TSHZ2: variants seen among roughly 807,000 people sequenced by gnomAD.
TSHZ2 encodes teashirt homolog 2.
Under a neutral mutation model 74.4 loss-of-function variants are expected in TSHZ2, and 21 were observed. That is an observed-to-expected ratio of 0.28 (90% confidence interval 0.20 to 0.41). The LOEUF is 0.41. TSHZ2 is among the 10% of genes least tolerant of loss of function. The pLI, the probability that TSHZ2 is intolerant of heterozygous loss-of-function variation, is 1.00. For missense variants in TSHZ2, 1,244 were observed against 1,293.5 expected (o/e 0.96, Z 0.59); for synonymous variants, 540 against 515.3 (o/e 1.05, Z -0.65).
At chr20:53,417,638 G>A (rs1182519555) in intron 2 of TSHZ2, among the ~76,000 whole-genome samples, 2 of 152,066 alleles carry the variant, frequency 1.3e-5, no homozygotes, top group Non-Finnish European at 2.9e-5. Context: ...ATAGGAATTT[G>A]CACAGCCTCC....
chr20:53,255,597 G>A lies in TSHZ2; in HGVS notation c.2139G>A (p.Leu713=), dbSNP rs1990452169. ...ACTTGGGCAAAGCCACGGAGCCCTT[G>A]CGCTCACCTTCCTGCTCCAGCCCAA... The part of the protein sequence containing the change: ...NNHLGKATEP[L]RSPSCSSPSS... The change falls in exon 2 of 3, where the codon TTG becomes TTA. Residue 713 remains leucine (L), a synonymous_variant. Transcript: ENST00000371497. This position sits in a 1 kb window ranked among gnomAD's most constrained non-coding sequence, Gnocchi z 4.1. The A allele has an allele frequency of 1.9e-6, 3 of 1,584,620 alleles. No individual in the cohort carries two copies. The highest frequency in any genetic ancestry group is 2.6e-6 in the Non-Finnish European group (3 of 1,165,694).
chr20:53,204,317 GA>G (rs1989101797), intron 1 of TSHZ2, among the ~76,000 whole-genome samples: 1 of 124,876 alleles, frequency 8.0e-6, no homozygotes, highest in Admixed American at 7.7e-5. Context: ...CATATAACAT[GA>G]TGATATGATA....
At chr20:53,365,375 C>A (rs539905387) in intron 2 of TSHZ2, among the ~76,000 whole-genome samples, 1 of 152,296 alleles carries the variant, frequency 6.6e-6, no homozygotes, top group Non-Finnish European at 1.5e-5. Flanking sequence ...AGCTTATTCA[C>A]TTAGTATGTA....
chr20:53,414,642 AG>A (rs1280299812), intron 2 of TSHZ2, among the ~76,000 whole-genome samples: 1 of 152,168 alleles, frequency 6.6e-6, no homozygotes, highest in Non-Finnish European at 1.5e-5. Flanking sequence ...TGGGCAATAG[AG>A]CAAGACCCTA....
chr20:53,138,328 G>A (rs899517401), intron 1 of TSHZ2, among the ~76,000 whole-genome samples: 1 of 151,312 alleles, frequency 6.6e-6, no homozygotes, highest in African/African-American at 2.4e-5. Flanking sequence ...AGCTTGCAGT[G>A]AGCAGAGATC....
chr20:53,438,052 C>T (rs1984158681), intron 2 of TSHZ2, among the ~76,000 whole-genome samples: 1 of 152,066 alleles, frequency 6.6e-6, no homozygotes, highest in Non-Finnish European at 1.5e-5. Flanking sequence ...CAGACTAATA[C>T]ACAGCCTCTC....
At chr20:53,287,801 T>C (rs368358565) in intron 2 of TSHZ2, among the ~76,000 whole-genome samples, 231 of 152,316 alleles carry the variant, frequency 1.5e-3, no homozygotes, top group African/African-American at 5.1e-3. Context: ...GGAGTTAATA[T>C]TTTTCTTATT....
chr20:53,168,770 A>G (rs1284346990), intron 1 of TSHZ2: 1 of 152,166 alleles, frequency 6.6e-6, no homozygotes, highest in Non-Finnish European at 1.5e-5. Context: ...AAACCATTGA[A>G]GGTGTGAATG....
chr20:53,343,252 C>G (rs978552137), intron 2 of TSHZ2, among the ~76,000 whole-genome samples: 5 of 152,128 alleles, frequency 3.3e-5, no homozygotes, highest in Non-Finnish European at 7.4e-5. Context: ...CAGGCGTGAG[C>G]CACCGCACCG....
chr20:53,370,559 G>A (rs1399463795), intron 2 of TSHZ2, among the ~76,000 whole-genome samples: 1 of 152,120 alleles, frequency 6.6e-6, no homozygotes, highest in African/African-American at 2.4e-5. Context: ...CCAGGAGTTT[G>A]AGACCAGCCT....
chr20:53,058,983 C>T (rs570516885), intron 1 of TSHZ2, among the ~76,000 whole-genome samples: 11 of 152,236 alleles, frequency 7.2e-5, no homozygotes, highest in Admixed American at 3.9e-4. Flanking sequence ...CAGAAGATGA[C>T]GATAAACTCA....
chr20:53,328,328 C>G (rs112342646), intron 2 of TSHZ2, among the ~76,000 whole-genome samples: 1,688 of 152,304 alleles, frequency 0.011, 31 homozygotes, highest in African/African-American at 0.034. Flanking sequence ...ATCGTACATG[C>G]AGCACTGTGC....
chr20:53,045,503 C>T (rs1451302924), intron 1 of TSHZ2, among the ~76,000 whole-genome samples: 4 of 152,192 alleles, frequency 2.6e-5, no homozygotes, highest in Admixed American at 6.5e-5. Flanking sequence ...GGGGCACTCA[C>T]GAATAGTGAC....
chr20:53,176,220 T>G (rs1988333066), intron 1 of TSHZ2, among the ~76,000 whole-genome samples: 1 of 152,196 alleles, frequency 6.6e-6, no homozygotes, highest in Admixed American at 6.5e-5. Context: ...CCCTCTTTCT[T>G]TTACCCGTTT....
chr20:53,450,907 A>ATT (rs10630878), intron 2 of TSHZ2, among the ~76,000 whole-genome samples: 66,077 of 151,704 alleles, frequency 0.44, 16,245 homozygotes, highest in African/African-American at 0.66. Context: ...GGATTTATTT[A>ATT]GTTTCCTCTT....
chr20:53,231,761 T>A (rs1989829744), intron 1 of TSHZ2, among the ~76,000 whole-genome samples: 1 of 152,186 alleles, frequency 6.6e-6, no homozygotes, highest in Non-Finnish European at 1.5e-5. Context: ...ACTCACACAC[T>A]ATTTGTTGCT....
intron 1 of TSHZ2, among the ~76,000 whole-genome samples, chr20:52,979,014 G>C (rs1310136621): frequency 6.6e-6 from 1 of 151,724 alleles, no homozygotes; most frequent in African/African-American, 2.4e-5. Flanking sequence ...ACATTCCTTA[G>C]GGTGATCTTT....
chr20:53,313,151 G>A (rs1047954530), intron 2 of TSHZ2, among the ~76,000 whole-genome samples: 4 of 152,216 alleles, frequency 2.6e-5, no homozygotes, highest in African/African-American at 9.6e-5. Context: ...GAAACCTTCA[G>A]ACTAGCCAAG....
Position 53,488,896 on chromosome 20 carries a change from T to C in TSHZ2, c.*1761T>C, listed in dbSNP as rs533168437. 6 of 437,352 alleles carry C rather than the reference T, an allele frequency of 1.4e-5. No individual in the cohort carries two copies. The highest frequency in any genetic ancestry group is 4.1e-5 in the African/African-American group (2 of 49,350). 27.1% of individuals were successfully genotyped at this position (437,352 alleles called of 1,614,324 possible). On this transcript the variant is annotated 3_prime_UTR_variant, in exon 3 of 3. Coordinates refer to ENST00000371497, the MANE Select transcript of TSHZ2 (RefSeq NM_173485.6). The stretch of plus-strand genomic sequence containing the variant: ...GAAAGTGTTGCCCTTATGCCACATA[T>C]AATAGCAAATTGCTTTTTTTATGGC...
Sources: gnomAD v4.1 joint callset for allele counts (sites outside exome capture counted in the v4.1 genomes callset) on GRCh38, gnomAD v4.1.1 for gene constraint, Gnocchi (gnomAD v3.1) non-coding constraint, MANE v1.5 for transcripts, NCBI Gene and HGNC (gene_info 2026-07-23, HGNC 2026-07-21) for gene names.